Variants in MCC observed in about 807,000 individuals in gnomAD.
MCC encodes MCC regulator of Wnt signaling pathway.
Under a neutral mutation model 116.2 loss-of-function variants are expected in MCC, and 90 were observed. That is an observed-to-expected ratio of 0.77 (90% CI 0.65 to 0.92). The LOEUF is 0.92. MCC is among the 40% of genes least tolerant of loss of function. The pLI, the probability that MCC is intolerant of heterozygous loss-of-function variation, is 0.00. For missense variants in MCC, 1,516 were observed against 1,312.2 expected, an observed-to-expected ratio of 1.16 and a Z score of -2.40; for synonymous variants, 578 against 510.5, an observed-to-expected ratio of 1.13 and a Z score of -1.78.
chr5:113,418,892 A>G (rs1770237351), intron 1 of MCC, among the ~76,000 whole-genome samples: 1 of 152,218 alleles, frequency 6.6e-6, no homozygotes, highest in Admixed American at 6.5e-5. Flanking sequence ...GCACCGCATC[A>G]CAGAGCTCCT....
intron 1 of MCC, among the ~76,000 whole-genome samples, chr5:113,414,118 T>A (rs1175514453): frequency 2.0e-5 from 3 of 152,244 alleles, no homozygotes; most frequent in Admixed American, 6.5e-5. Context: ...CTAATTTGAT[T>A]GCACTGTGGT....
intron 14 of MCC, among the ~76,000 whole-genome samples, chr5:113,060,930 C>T (rs1561767170): frequency 6.6e-6 from 1 of 152,226 alleles, no homozygotes; most frequent in African/African-American, 2.4e-5. Flanking sequence ...TCTAGTCTGA[C>T]TCTCATTCCC....
chr5:113,192,726 A>T (rs970752568), intron 3 of MCC, among the ~76,000 whole-genome samples: 6 of 152,250 alleles, frequency 3.9e-5, no homozygotes, highest in Non-Finnish European at 8.8e-5. Context: ...ACAAGGAAGA[A>T]CCTGCTAAGC....
rs1772604306 is a variant in MCC at position 113,488,275 on chromosome 5, C to G, written c.140G>C (p.Cys47Ser). 6.3e-7 allele frequency: 1 copy of G among 1,596,108 alleles called. No individual in the cohort carries two copies. The highest frequency in any genetic ancestry group is 8.5e-7 in the Non-Finnish European group (1 of 1,172,178). Residue 47 changes from cysteine (C) to serine (S), a missense_variant, in exon 1 of 19, where the codon TGC becomes TCC. Cys to Ser is a moderately radical substitution (Grantham distance 112). Coordinates refer to ENST00000408903, the MANE Select transcript of MCC (RefSeq NM_001085377.2). ...GATGTATCCGTCCCCGTCGCCGTCGCACGTCTGGAAGAGGCGCCGCATCCT... is the reference window on the plus strand; with the variant it reads ...GATGTATCCGTCCCCGTCGCCGTCGGACGTCTGGAAGAGGCGCCGCATCCT... ...EERMRRLFQT[C>S]DGDGDGYISR...
intron 1 of MCC, among the ~76,000 whole-genome samples, chr5:113,485,448 C>T (rs1175464832): frequency 6.6e-6 from 1 of 152,188 alleles, no homozygotes; most frequent in Non-Finnish European, 1.5e-5. Context: ...TCGGACTCTA[C>T]TGAAGTAGGC....
At chr5:113,360,073 C>A (rs572476400) in intron 2 of MCC, among the ~76,000 whole-genome samples, 1 of 152,178 alleles carries the variant, frequency 6.6e-6, no homozygotes, top group South Asian at 2.1e-4. Context: ...CTGCTCCCTG[C>A]CATGAAAAGC....
chr5:113,042,474 CAAA>C (rs5870523), intron 17 of MCC, among the ~76,000 whole-genome samples: 16,672 of 67,840 alleles, frequency 0.25, 794 homozygotes, highest in Middle Eastern at 0.31. Flanking sequence ...GACCCTCTCT[CAAA>C]AAAAAAAAAA....
intron 3 of MCC, among the ~76,000 whole-genome samples, chr5:113,198,680 T>G (rs1481234682): frequency 3.7e-4 from 53 of 142,426 alleles, no homozygotes; most frequent in African/African-American, 1.4e-3. Context: ...CACTCCAGCC[T>G]GGGTGACACA....
chr5:113,336,978 G>A (rs1767885435), intron 3 of MCC, among the ~76,000 whole-genome samples: 1 of 152,204 alleles, frequency 6.6e-6, no homozygotes, highest in Admixed American at 6.5e-5. Context: ...ATCATTTGTT[G>A]CTTCTCATCT....
At chr5:113,328,454 G>T (rs1395790844) in intron 3 of MCC, among the ~76,000 whole-genome samples, 2 of 152,206 alleles carry the variant, frequency 1.3e-5, no homozygotes, top group Non-Finnish European at 2.9e-5. Flanking sequence ...CTACTGAGAA[G>T]TTAATGTGGG....
At chr5:113,364,620 T>C (rs780267698) in intron 2 of MCC, among the ~76,000 whole-genome samples, 2 of 152,192 alleles carry the variant, frequency 1.3e-5, no homozygotes, top group Non-Finnish European at 2.9e-5. Context: ...CAATCCCACA[T>C]TTCCCCTTCA....
At chr5:113,368,091 C>G (rs1768746785) in intron 2 of MCC, among the ~76,000 whole-genome samples, 1 of 152,262 alleles carries the variant, frequency 6.6e-6, no homozygotes, top group South Asian at 2.1e-4. Flanking sequence ...ATATTCTATT[C>G]TAACATTTCA....
chr5:113,298,873 T>C (rs954191388), intron 3 of MCC, among the ~76,000 whole-genome samples: 1 of 152,212 alleles, frequency 6.6e-6, no homozygotes, highest in African/African-American at 2.4e-5. Context: ...AATCAGATTC[T>C]GACTCAAGGA....
intron 5 of MCC, among the ~76,000 whole-genome samples, chr5:113,137,792 T>G (rs1346843064): frequency 2.6e-5 from 4 of 152,170 alleles, no homozygotes; most frequent in Non-Finnish European, 5.9e-5. Context: ...CACAGCACCA[T>G]ATACTGTTGC....
At chr5:113,119,128 A>G (rs967700059) in intron 6 of MCC, among the ~76,000 whole-genome samples, 1 of 152,226 alleles carries the variant, frequency 6.6e-6, no homozygotes, top group Non-Finnish European at 1.5e-5. Flanking sequence ...ACTGCTGCTC[A>G]AGTATTTGAG....
At chr5:113,362,785 G>A (rs888246952) in intron 2 of MCC, among the ~76,000 whole-genome samples, 2 of 152,020 alleles carry the variant, frequency 1.3e-5, no homozygotes, top group African/African-American at 4.8e-5. Flanking sequence ...TTTTGGTCCT[G>A]GTTACTGGCA....
At chr5:113,104,435 G>A (rs1232684373) in intron 6 of MCC, 80 bp from the exon 7 acceptor site, 1 of 1,312,340 alleles carries the variant, frequency 7.6e-7, no homozygotes, top group East Asian at 2.4e-5. Flanking sequence ...GACTCATTCA[G>A]GTAATGGGAT....
At chr5:113,416,178 C>A (rs1034867836) in intron 1 of MCC, among the ~76,000 whole-genome samples, 1 of 152,150 alleles carries the variant, frequency 6.6e-6, no homozygotes, top group African/African-American at 2.4e-5. Context: ...TGTTCCTATT[C>A]GGCCATCTTG....
intron 1 of MCC, among the ~76,000 whole-genome samples, chr5:113,446,667 T>C (rs1771227711): frequency 6.6e-6 from 1 of 152,016 alleles, no homozygotes; most frequent in Admixed American, 6.5e-5. Context: ...GGAAAGCAGT[T>C]TGGAGACTTC....
Sources: allele counts gnomAD v4.1 joint callset (sites outside exome capture counted in the v4.1 genomes callset), GRCh38; gene constraint gnomAD v4.1.1; transcripts MANE v1.5; gene names NCBI Gene and HGNC (gene_info 2026-07-23, HGNC 2026-07-21).